The following GAB2 variants were observed in gnomAD, a reference collection of about 807,000 sequenced individuals.
GAB2 encodes the protein GRB2-associated-binding protein 2.
A neutral mutation model predicts 65.5 loss-of-function variants in GAB2; 26 were observed. The ratio of observed to expected loss-of-function variants is 0.40; its 90% CI spans 0.29 to 0.55. GAB2 has a LOEUF of 0.55. Among genes scored for constraint, GAB2 ranks in the 20% least tolerant of loss-of-function variants. The probability of loss-of-function intolerance (pLI) is 0.53; values close to 1 mark genes in which losing one functional copy is unlikely to be tolerated. For synonymous variants in GAB2, 321 were observed against 329.6 expected (o/e 0.97, Z 0.28); for missense variants, 884 against 875.8 (o/e 1.01, Z -0.12).
chr11:78,323,730 AC>A (rs1855768839), intron 1 of GAB2, among the ~76,000 whole-genome samples: 1 of 146,328 alleles, frequency 6.8e-6, no homozygotes. Flanking sequence ...AGAAGCCCAC[AC>A]CTCAGCATCT....
chr11:78,276,189 A>G (rs1338825175), intron 2 of GAB2, among the ~76,000 whole-genome samples: 2 of 151,674 alleles, frequency 1.3e-5, no homozygotes, highest in Non-Finnish European at 2.9e-5. Context: ...AGTCCCAGCT[A>G]CTCGGGAGGC....
intron 2 of GAB2, among the ~76,000 whole-genome samples, chr11:78,275,794 ATATATC>A (rs760500511): frequency 2.6e-5 from 4 of 152,148 alleles, no homozygotes; most frequent in African/African-American, 9.7e-5. Flanking sequence ...ATATATATCT[ATATATC>A]TATATCTATA....
At chr11:78,384,634 C>G (rs1030787534) in intron 1 of GAB2, among the ~76,000 whole-genome samples, 4 of 152,170 alleles carry the variant, frequency 2.6e-5, no homozygotes, top group African/African-American at 9.7e-5. Flanking sequence ...AGCCCATGAG[C>G]TGGGAGAGGA....
At chr11:78,308,014 T>G (rs1482723998) in intron 1 of GAB2, among the ~76,000 whole-genome samples, 1 of 152,144 alleles carries the variant, frequency 6.6e-6, no homozygotes, top group South Asian at 2.1e-4. Context: ...GGAAAACATT[T>G]TCTTTTCTGA....
chr11:78,387,016 T>G (rs540556988), intron 1 of GAB2, among the ~76,000 whole-genome samples: 1 of 152,300 alleles, frequency 6.6e-6, no homozygotes, highest in East Asian at 1.9e-4. Flanking sequence ...AAACAAAACG[T>G]TGTTACCAAA....
chr11:78,301,337 GT>G (rs946148307), intron 1 of GAB2, among the ~76,000 whole-genome samples: 8 of 143,562 alleles, frequency 5.6e-5, no homozygotes, highest in Non-Finnish European at 3.0e-5. Context: ...GTGGTTTTTT[GT>G]TTTTTTTTTG....
intron 2 of GAB2, among the ~76,000 whole-genome samples, chr11:78,268,554 A>G (rs1372686448): frequency 6.6e-6 from 1 of 152,202 alleles, no homozygotes; most frequent in Non-Finnish European, 1.5e-5. Flanking sequence ...AGGGATAAGC[A>G]GAAGCACTCA....
chr11:78,354,063 T>G (rs1008853624), intron 1 of GAB2, among the ~76,000 whole-genome samples: 7 of 152,228 alleles, frequency 4.6e-5, no homozygotes, highest in Non-Finnish European at 8.8e-5. Context: ...GGGATGGCAC[T>G]TTGAGAACTA....
chr11:78,319,788 GGGCTGAGGATACA>G (rs1319788899), intron 1 of GAB2, among the ~76,000 whole-genome samples: 4 of 152,048 alleles, frequency 2.6e-5, no homozygotes, highest in Non-Finnish European at 4.4e-5. Context: ...ACTGTGCCAC[GGGCTGAGGATACA>G]GCAGTAAACA....
intron 1 of GAB2, 143 bp from the exon 2 acceptor site, chr11:78,281,044 C>G: frequency 1.5e-6 from 1 of 675,330 alleles, no homozygotes; most frequent in Non-Finnish European, 2.5e-6. Context: ...ATCTTGAACT[C>G]CTGGGCTCAA....
rs1433660189 is a variant in GAB2, at chr11:78,287,934, C to T, written c.76-7033G>A. Among the ~76,000 whole-genome samples the T allele has an allele frequency of 2.0e-5, 3 of 151,886 alleles. No individual in the cohort carries two copies. The East Asian group carries it at 5.8e-4, about 29-fold the overall frequency. On this transcript the variant is annotated intron_variant, in intron 1 of 9. Transcript: ENST00000361507. ...AAGTGCTGGGATTACAGGTGTGAGCCAGCGTGCCCAGCCACTGTTATCACT... is the reference window on the plus strand; with the variant it reads ...AAGTGCTGGGATTACAGGTGTGAGCTAGCGTGCCCAGCCACTGTTATCACT...
intron 1 of GAB2, among the ~76,000 whole-genome samples, chr11:78,402,875 C>T (rs916823261): frequency 3.9e-5 from 6 of 152,150 alleles, no homozygotes; most frequent in Admixed American, 6.5e-5. Flanking sequence ...TGTTGGAATC[C>T]TAATCCCTAA....
intron 9 of GAB2, among the ~76,000 whole-genome samples, chr11:78,219,746 C>T (rs1318241): frequency 0.17 from 26,531 of 152,144 alleles, 2,649 homozygotes; most frequent in East Asian, 0.39. Flanking sequence ...TCAGGTCGCT[C>T]ATCCAGGGGA....
chr11:78,276,111 C>CAAAA (rs539148797), intron 2 of GAB2, among the ~76,000 whole-genome samples: 16,767 of 96,592 alleles, frequency 0.17, 1,446 homozygotes, highest in East Asian at 0.42. Context: ...AAGACTGTCT[C>CAAAA]AAAAAAAAAA....
At chr11:78,314,940 C>CA (rs1352940785) in intron 1 of GAB2, among the ~76,000 whole-genome samples, 1 of 152,196 alleles carries the variant, frequency 6.6e-6, no homozygotes, top group Non-Finnish European at 1.5e-5. Flanking sequence ...TCTGTAAAGG[C>CA]AGGGCTTGCT....
At chr11:78,271,143 C>T (rs1306093359) in intron 2 of GAB2, among the ~76,000 whole-genome samples, 1 of 152,226 alleles carries the variant, frequency 6.6e-6, no homozygotes, top group Non-Finnish European at 1.5e-5. Context: ...TCAAAGCTCT[C>T]TACTGAGAGA....
chr11:78,389,358 G>C (rs1189788243), intron 1 of GAB2, among the ~76,000 whole-genome samples: 1 of 151,156 alleles, frequency 6.6e-6, no homozygotes, highest in Non-Finnish European at 1.5e-5. Context: ...CCAGGAAGGA[G>C]TGCAATGGCA....
At position 78,283,836 on chromosome 11, in the gene GAB2, T is replaced by C. The variant is rs563102002; in HGVS notation, c.76-2935A>G. 1.9e-3 allele frequency among the ~76,000 whole-genome samples: 295 copies of C among 151,920 alleles called. 6 individuals carry two copies. The highest frequency in any genetic ancestry group is 0.017 in the Admixed American group (257 of 15,270). On this transcript the variant is annotated intron_variant, in intron 1 of 9. Transcript: ENST00000361507. ...TCTCCAGTGCTGGCTCCTCTTCACCTCCCTGACATCCGAACATTAGAATGC... is the reference window on the plus strand; with the variant it reads ...TCTCCAGTGCTGGCTCCTCTTCACCCCCCTGACATCCGAACATTAGAATGC...
In GAB2 at chr11:78,280,748, T is replaced by A; in HGVS notation, c.229A>T (p.Lys77Ter). The A allele has an allele frequency of 6.2e-7, 1 of 1,614,154 alleles. No homozygotes were observed. Among genetic ancestry groups the A allele is most frequent in the Non-Finnish European group, 8.5e-7 (1 of 1,180,016 alleles). ...EQVDAGLTFN[K>*]KELQDSFVFD... The stretch of plus-strand genomic sequence containing the variant: ...ACAAAACTATCCTGCAGCTCCTTCT[T>A]GTTAAAGGTCAGGCCTGCATCTACC... Residue 77 changes from lysine (K) to a stop codon, truncating the protein, a stop_gained, in exon 2 of 10, where the codon AAG becomes TAG. Transcript: ENST00000361507. LOFTEE classifies it high-confidence loss of function.
Sources: gnomAD v4.1 joint callset for allele counts (sites outside exome capture counted in the v4.1 genomes callset) on GRCh38, gnomAD v4.1.1 for gene constraint, MANE v1.5 for transcripts, NCBI Gene and HGNC (gene_info 2026-07-23, HGNC 2026-07-21) for gene names.